NXPH1: variants seen among roughly 807,000 people sequenced by gnomAD.
NXPH1 encodes the protein neurexophilin 1.
A neutral mutation model predicts 23.7 loss-of-function variants in NXPH1; 5 were observed. The observed-to-expected ratio is 0.21, with a 90% CI of 0.11 to 0.44. The LOEUF is 0.44. Ranked by LOEUF, NXPH1 falls within the 20% of genes least tolerant of loss-of-function variation. The probability of loss-of-function intolerance (pLI) is 0.99; values close to 1 mark genes in which losing one functional copy is unlikely to be tolerated. For synonymous variants in NXPH1, 144 were observed against 122.2 expected (o/e 1.18, Z -1.18); for missense variants, 324 against 321.6 (o/e 1.01, Z -0.06).
chr7:8,539,912 A>G (rs891083738), intron 2 of NXPH1, among the ~76,000 whole-genome samples: 1 of 151,812 alleles, frequency 6.6e-6, no homozygotes, highest in Non-Finnish European at 1.5e-5. Flanking sequence ...TTCATTAGTG[A>G]CTTTTGTTAA....
At chr7:8,483,827 C>G (rs530652964) in intron 2 of NXPH1, among the ~76,000 whole-genome samples, 1 of 152,180 alleles carries the variant, frequency 6.6e-6, no homozygotes, top group South Asian at 2.1e-4. Flanking sequence ...TAACATTCTA[C>G]AATGCTAAAT....
chr7:8,622,123 A>T (rs1419279768), intron 2 of NXPH1, among the ~76,000 whole-genome samples: 1 of 152,196 alleles, frequency 6.6e-6, no homozygotes, highest in Admixed American at 6.5e-5. Flanking sequence ...CCTCTATTTT[A>T]CCATGAAATT....
intron 2 of NXPH1, among the ~76,000 whole-genome samples, chr7:8,492,305 A>C (rs1817260781): frequency 6.6e-6 from 1 of 152,018 alleles, no homozygotes; most frequent in Admixed American, 6.6e-5. Flanking sequence ...GTTTGGCAGC[A>C]CTACAGGGTG....
At chr7:8,653,466 G>A (rs879753469) in intron 2 of NXPH1, among the ~76,000 whole-genome samples, 20 of 152,130 alleles carry the variant, frequency 1.3e-4, no homozygotes, top group African/African-American at 3.1e-4. Flanking sequence ...ATTAGCTACC[G>A]TAAAAATAGT....
chr7:8,588,724 T>A lies in NXPH1; in HGVS notation c.54+152957T>A, dbSNP rs147931828. Among the ~76,000 whole-genome samples the A allele has an allele frequency of 5.9e-3, 897 of 152,230 alleles. 2 individuals carry two copies. Among genetic ancestry groups the A allele is most frequent in the Non-Finnish European group, 8.8e-3 (600 of 68,004 alleles). On this transcript the variant is annotated intron_variant, in intron 2 of 2. Transcript: ENST00000405863. ...CCTGGTAATTGGAGTACATTCCTGT[T>A]TATCTTGTGTTCTAAGATGAGGGAG...
chr7:8,552,273 C>A (rs1374695481), intron 2 of NXPH1, among the ~76,000 whole-genome samples: 1 of 151,310 alleles, frequency 6.6e-6, no homozygotes, highest in African/African-American at 2.4e-5. Flanking sequence ...ATTATCCCAG[C>A]AATAACCGAT....
intron 2 of NXPH1, among the ~76,000 whole-genome samples, chr7:8,654,299 A>C (rs926244577): frequency 1.3e-5 from 2 of 152,102 alleles, no homozygotes; most frequent in African/African-American, 2.4e-5. Flanking sequence ...TTTTTAGTTG[A>C]CATTTAGGAA....
chr7:8,734,433 G>A (rs1220243489), intron 2 of NXPH1, among the ~76,000 whole-genome samples: 7 of 152,076 alleles, frequency 4.6e-5, no homozygotes, highest in South Asian at 4.1e-4. Context: ...AGCTTGATGG[G>A]GATAGCATTG....
chr7:8,652,954 A>G (rs10281289), intron 2 of NXPH1, among the ~76,000 whole-genome samples: 99,021 of 151,490 alleles, frequency 0.65, 32,738 homozygotes, highest in East Asian at 0.83. Context: ...ATATTTTGTT[A>G]ACACAGAAAA....
At chr7:8,497,792 A>G (rs1191789456) in intron 2 of NXPH1, among the ~76,000 whole-genome samples, 1 of 151,780 alleles carries the variant, frequency 6.6e-6, no homozygotes, top group Non-Finnish European at 1.5e-5. Context: ...GATTGTAAAA[A>G]TTTTCTCCCA....
intron 2 of NXPH1, among the ~76,000 whole-genome samples, chr7:8,686,547 T>C (rs1237840658): frequency 6.6e-6 from 1 of 152,154 alleles, no homozygotes; most frequent in African/African-American, 2.4e-5. Context: ...AAGTCATCTA[T>C]ACACAGTAAA....
intron 2 of NXPH1, among the ~76,000 whole-genome samples, chr7:8,516,704 C>T (rs1292359208): frequency 6.6e-6 from 1 of 152,108 alleles, no homozygotes; most frequent in Non-Finnish European, 1.5e-5. Flanking sequence ...AGGTAGAACT[C>T]TGGAGCCTTT....
chr7:8,573,178 C>G (rs1393122454), intron 2 of NXPH1, among the ~76,000 whole-genome samples: 1 of 151,768 alleles, frequency 6.6e-6, no homozygotes, highest in Non-Finnish European at 1.5e-5. Flanking sequence ...AACATTTCTC[C>G]TTGTCATTAA....
At chr7:8,654,217 A>C (rs1820536547) in intron 2 of NXPH1, among the ~76,000 whole-genome samples, 1 of 151,974 alleles carries the variant, frequency 6.6e-6, no homozygotes, top group African/African-American at 2.4e-5. Context: ...GTAAAATCAA[A>C]CTCTGTTAGA....
chr7:8,456,054 A>C (rs1296172876), intron 2 of NXPH1, among the ~76,000 whole-genome samples: 1 of 152,194 alleles, frequency 6.6e-6, no homozygotes, highest in Non-Finnish European at 1.5e-5. Flanking sequence ...TGGGTAAGTC[A>C]TTTGATAAGT....
chr7:8,611,537 G>A (rs1819621558), intron 2 of NXPH1, among the ~76,000 whole-genome samples: 1 of 152,120 alleles, frequency 6.6e-6, no homozygotes, highest in Admixed American at 6.6e-5. Flanking sequence ...TCAAAGTGGA[G>A]GGTTTTTTCA....
intron 2 of NXPH1, among the ~76,000 whole-genome samples, chr7:8,526,752 C>T (rs1208599515): frequency 6.6e-6 from 1 of 152,124 alleles, no homozygotes; most frequent in East Asian, 1.9e-4. Flanking sequence ...CTTTTACCTC[C>T]TGCCATGATT....
intron 2 of NXPH1, among the ~76,000 whole-genome samples, chr7:8,453,958 T>C (rs543769767): frequency 6.6e-6 from 1 of 152,212 alleles, no homozygotes; most frequent in Non-Finnish European, 1.5e-5. Flanking sequence ...ATTGCTGGGT[T>C]AAATGGTCTT....
At chr7:8,488,566 C>T (rs544600873) in intron 2 of NXPH1, among the ~76,000 whole-genome samples, 3 of 152,128 alleles carry the variant, frequency 2.0e-5, no homozygotes, top group Non-Finnish European at 2.9e-5. Context: ...CCAGAAGGTA[C>T]ATAATGGGAA....
Sources: allele counts gnomAD v4.1 joint callset (sites outside exome capture counted in the v4.1 genomes callset), GRCh38; gene constraint gnomAD v4.1.1; transcripts MANE v1.5; gene names NCBI Gene and HGNC (gene_info 2026-07-23, HGNC 2026-07-21).